The following EPS15 variants were observed in gnomAD, a reference collection of about 807,000 sequenced individuals.
EPS15 encodes epidermal growth factor receptor substrate 15.
EPS15 carries 72 observed loss-of-function variants against 113.8 expected under a neutral mutation model. That is an observed-to-expected ratio of 0.63 (90% confidence interval 0.52 to 0.77). The LOEUF (loss-of-function observed/expected upper bound fraction) is 0.77, where lower values mean the gene tolerates loss of function less well. Ranked by LOEUF, EPS15 falls within the 30% of genes least tolerant of loss-of-function variation. The pLI, the probability that EPS15 is intolerant of heterozygous loss-of-function variation, is 0.00. For synonymous variants in EPS15, 344 were observed against 363.4 expected (o/e 0.95, Z 0.61); for missense variants, 1,048 against 1,045.8 (o/e 1.00, Z -0.03).
At chr1:51,499,503 C>T (rs1305645649) in intron 1 of EPS15, among the ~76,000 whole-genome samples, 1 of 152,106 alleles carries the variant, frequency 6.6e-6, no homozygotes, top group African/African-American at 2.4e-5. Flanking sequence ...AGTGGAATTG[C>T]TGAACCATTT....
At chr1:51,508,384 G>GAAAGAAAGAAAGAA (rs1553139584) in intron 1 of EPS15, among the ~76,000 whole-genome samples, 32 of 145,886 alleles carry the variant, frequency 2.2e-4, no homozygotes, top group East Asian at 1.4e-3. Context: ...AAGAAAGAAA[G>GAAAGAAAGAAAGAA]AGAAAATTTA....
chr1:51,502,986 G>A (rs1379418931), intron 1 of EPS15, among the ~76,000 whole-genome samples: 1 of 143,334 alleles, frequency 7.0e-6, no homozygotes, highest in Non-Finnish European at 1.5e-5. Context: ...CAGTCTGGGC[G>A]ACAGAGTGAG....
At chr1:51,391,426 G>C (rs981031934) in intron 21 of EPS15, among the ~76,000 whole-genome samples, 2 of 151,052 alleles carry the variant, frequency 1.3e-5, no homozygotes, top group African/African-American at 2.4e-5. Flanking sequence ...TAACTAACCT[G>C]CACATTGTGC....
At position 51,444,939 on chromosome 1, in the gene EPS15, C is replaced by T. The variant is rs757911000; in HGVS notation, c.904G>A (p.Val302Ile). 11 of 1,613,916 alleles carry T rather than the reference C, an allele frequency of 6.8e-6. No individual in the cohort carries two copies. The highest frequency in any genetic ancestry group is 1.1e-5 in the South Asian group (1 of 91,066). Reference protein sequence around the residue: ...KLIKGIDPPHVLTPEMIPPSD... With the variant: ...KLIKGIDPPHILTPEMIPPSD... ...GGTGGAATCATTTCAGGAGTAAGAACGTGAGGAGGATCAATGCCCTTGATT... is the reference window on the plus strand; with the variant it reads ...GGTGGAATCATTTCAGGAGTAAGAATGTGAGGAGGATCAATGCCCTTGATT... The change falls in exon 11 of 25, where the codon GTT becomes ATT. Residue 302 changes from valine to isoleucine, a missense_variant. Transcript: ENST00000371733.
At chr1:51,410,392 C>CAA (rs575050577) in intron 13 of EPS15, among the ~76,000 whole-genome samples, 8,256 of 97,638 alleles carry the variant, frequency 0.085, 772 homozygotes, top group African/African-American at 0.27. Context: ...ACACTGTCTC[C>CAA]AAAAAAAAAA....
chr1:51,508,750 T>C (rs1007934787), intron 1 of EPS15, among the ~76,000 whole-genome samples: 3 of 152,132 alleles, frequency 2.0e-5, no homozygotes, highest in Admixed American at 6.5e-5. Flanking sequence ...CTATGCTCTA[T>C]GGTCAAAGTT....
intron 21 of EPS15, among the ~76,000 whole-genome samples, chr1:51,389,363 T>C (rs1163821610): frequency 6.6e-6 from 1 of 152,216 alleles, no homozygotes; most frequent in East Asian, 1.9e-4. Flanking sequence ...GCCAATATCA[T>C]ACTGAATGGG....
rs1373971625 is a variant in EPS15, at chr1:51,425,698, T to C, written c.1041-3840A>G. 4.6e-5 allele frequency among the ~76,000 whole-genome samples: 7 copies of C among 152,198 alleles called. No homozygotes were observed. In the South Asian group the frequency reaches 8.3e-4, roughly 18 times the overall value. ...AGAAAAATCTAGCTCTTCTGAGAAATAGTTTTTCTCACTCTGATCAGGTCA... is the reference window on the plus strand; with the variant it reads ...AGAAAAATCTAGCTCTTCTGAGAAACAGTTTTTCTCACTCTGATCAGGTCA... On this transcript the variant is annotated intron_variant, in intron 12 of 24. Transcript: ENST00000371733.
chr1:51,471,693 T>G lies in EPS15; in HGVS notation c.210A>C (p.Lys70Asn). 6.2e-7 allele frequency: 1 copy of G among 1,607,756 alleles called. No homozygotes were observed. The highest frequency in any genetic ancestry group is 8.5e-7 in the Non-Finnish European group (1 of 1,175,846). ...CATATGAATATCTGAAACTTACTTG[T>G]TTGTTCAGGATACCTTTGCCATCTG... ...ADTDGKGILN[K>N]QEFFVALRLV... Residue 70 changes from lysine to asparagine, a missense_variant, in exon 4 of 25, where the codon AAA (lysine) becomes AAC (asparagine). Transcript: ENST00000371733.
intron 8 of EPS15, among the ~76,000 whole-genome samples, chr1:51,455,695 T>C (rs903799382): frequency 3.3e-5 from 5 of 152,144 alleles, no homozygotes; most frequent in African/African-American, 1.2e-4. Context: ...AACTCGGAAA[T>C]ATATTTCCAA....
At chr1:51,493,348 G>C (rs1309904898) in intron 1 of EPS15, among the ~76,000 whole-genome samples, 1 of 130,602 alleles carries the variant, frequency 7.7e-6, no homozygotes, top group Non-Finnish European at 1.6e-5. Context: ...ATGACAGAGC[G>C]AGACTCCATC....
intron 21 of EPS15, among the ~76,000 whole-genome samples, chr1:51,377,140 C>T (rs545266511): frequency 4.0e-5 from 6 of 151,840 alleles, no homozygotes; most frequent in East Asian, 1.9e-4. Context: ...TGGTGGCGGG[C>T]GTAATCTCAG....
chr1:51,496,286 T>A (rs1355738568), intron 1 of EPS15, among the ~76,000 whole-genome samples: 2 of 152,176 alleles, frequency 1.3e-5, no homozygotes, highest in Non-Finnish European at 2.9e-5. Flanking sequence ...TCACTCTTAA[T>A]CATTAAGTTT....
chr1:51,454,354 C>A (rs1180640473), intron 8 of EPS15, among the ~76,000 whole-genome samples: 1 of 152,042 alleles, frequency 6.6e-6, no homozygotes, highest in African/African-American at 2.4e-5. Flanking sequence ...GTAAAAAGGG[C>A]ATGAGTCTAT....
At chr1:51,480,719 C>T (rs1644005516) in intron 2 of EPS15, among the ~76,000 whole-genome samples, 1 of 152,110 alleles carries the variant, frequency 6.6e-6, no homozygotes, top group African/African-American at 2.4e-5. Context: ...ACCATGTTGG[C>T]CAGCCTGGTC....
chr1:51,464,576 G>C (rs528122935), intron 6 of EPS15, among the ~76,000 whole-genome samples: 5 of 152,142 alleles, frequency 3.3e-5, no homozygotes, highest in African/African-American at 1.2e-4. Flanking sequence ...TAAACATCAA[G>C]ATTTCTCCAT....
intron 12 of EPS15, among the ~76,000 whole-genome samples, chr1:51,433,370 AT>A (rs1651889394): frequency 6.6e-6 from 1 of 152,256 alleles, no homozygotes; most frequent in African/African-American, 2.4e-5. Context: ...GTACATGGTT[AT>A]TCATATTTCC....
intron 1 of EPS15, among the ~76,000 whole-genome samples, chr1:51,511,124 C>T (rs1321090244): frequency 3.3e-5 from 5 of 151,908 alleles, no homozygotes; most frequent in African/African-American, 1.2e-4. Flanking sequence ...CGAGATCACA[C>T]CACTGCACTC....
At chr1:51,410,656 T>C (rs768021379) in intron 13 of EPS15, among the ~76,000 whole-genome samples, 3 of 152,034 alleles carry the variant, frequency 2.0e-5, no homozygotes, top group African/African-American at 4.8e-5. Flanking sequence ...CAGCAGGAGG[T>C]AGGCAAAGAT....
Sources: gnomAD v4.1 joint callset for allele counts (sites outside exome capture counted in the v4.1 genomes callset) on GRCh38, gnomAD v4.1.1 for gene constraint, MANE v1.5 for transcripts, NCBI Gene and HGNC (gene_info 2026-07-23, HGNC 2026-07-21) for gene names.